Variants in DNASE2B observed in about 807,000 individuals in gnomAD.
DNASE2B encodes deoxyribonuclease 2 beta.
DNASE2B carries 43 observed loss-of-function variants against 46.0 expected under a neutral mutation model. The observed-to-expected ratio is 0.94, with a 90% CI of 0.73 to 1.21. DNASE2B has a LOEUF of 1.21. Among genes scored for constraint, DNASE2B ranks in the 50% most tolerant of loss-of-function variants. The pLI is 0.00. For synonymous variants in DNASE2B, 156 were observed against 152.5 expected, an observed-to-expected ratio of 1.02 and a Z score of -0.17; for missense variants, 395 against 414.4, an observed-to-expected ratio of 0.95 and a Z score of 0.41.
Position 84,412,473 on chromosome 1 carries a change from G to C in DNASE2B, c.672G>C (p.Arg224Ser), listed in dbSNP as rs974065432. The change falls in exon 5 of 6, where the codon AGG becomes AGC. Residue 224 changes from arginine (R) to serine (S), a missense_variant. Physicochemically the swap from Arg to Ser is moderately radical, Grantham distance 110. Transcript: ENST00000370665. The part of the protein sequence containing the change: ...TRASSSEIPG[R>S]LLTTLQSAQG... ...CCAGCTCATCAGAGATTCCTGGCAG[G>C]CTCCTCACCACACTTCAGTCGGCCC... The C allele has an allele frequency of 1.2e-6, 2 of 1,613,778 alleles. No individual in the cohort carries two copies. Among genetic ancestry groups the C allele is most frequent in the African/African-American group, 2.7e-5 (2 of 74,892 alleles).
At chr1:84,412,327 T>C (rs771688047) in intron 4 of DNASE2B, 22 bp from the exon 5 acceptor site, 17 of 1,483,632 alleles carry the variant, frequency 1.1e-5, no homozygotes, top group South Asian at 1.5e-5. Flanking sequence ...TCTCAACTTT[T>C]CTTTACTGTT....
chr1:84,413,299 A>G (rs1404387690), intron 5 of DNASE2B, among the ~76,000 whole-genome samples: 1 of 152,060 alleles, frequency 6.6e-6, no homozygotes, highest in Non-Finnish European at 1.5e-5. Flanking sequence ...TAGACACTTG[A>G]ATCTCTCCCC....
rs557864256 is a variant in DNASE2B, at chr1:84,414,848, T to C, written c.1066T>C (p.Tyr356His). 24 of 1,611,638 alleles carry C rather than the reference T, an allele frequency of 1.5e-5. No individual in the cohort carries two copies. Among genetic ancestry groups the C allele is most frequent in the South Asian group, 9.9e-5 (9 of 90,734 alleles). ...IYQAFQGLVLYYESCK is the reference protein window; with the variant it reads ...IYQAFQGLVLHYESCK ...CCAAGCATTTCAAGGATTAGTATTA[T>C]ACTATGAAAGCTGTAAGTAAACTTG... The change falls in exon 6 of 6, where the codon TAC (tyrosine) becomes CAC (histidine). Residue 356 changes from tyrosine (Y) to histidine (H), a missense_variant. Coordinates refer to ENST00000370665, the MANE Select transcript of DNASE2B (RefSeq NM_021233.3).
At chr1:84,405,100 TCTC>T (rs1570301342) in intron 2 of DNASE2B, among the ~76,000 whole-genome samples, 1 of 152,144 alleles carries the variant, frequency 6.6e-6, no homozygotes, top group Admixed American at 6.6e-5. Context: ...AAAAGCTGCT[TCTC>T]CTGTTATCTT....
intron 4 of DNASE2B, among the ~76,000 whole-genome samples, chr1:84,411,285 A>C (rs1334560551): frequency 1.3e-5 from 2 of 152,054 alleles, no homozygotes; most frequent in African/African-American, 4.8e-5. Context: ...GTTACATGGG[A>C]AGTGAGGATA....
intron 5 of DNASE2B, among the ~76,000 whole-genome samples, chr1:84,413,228 T>A (rs1188664379): frequency 1.3e-5 from 2 of 152,178 alleles, no homozygotes; most frequent in Non-Finnish European, 2.9e-5. Context: ...TTTATTTTTT[T>A]AAAACTCATC....
intron 3 of DNASE2B, 64 bp from the exon 4 acceptor site, chr1:84,410,774 T>C (rs893077649): frequency 2.0e-6 from 3 of 1,523,852 alleles, no homozygotes; most frequent in East Asian, 2.3e-5. Context: ...GTTGCCACTG[T>C]GAACCCTATT....
intron 4 of DNASE2B, 130 bp downstream of exon 4, chr1:84,411,129 G>A: frequency 8.6e-7 from 1 of 1,167,028 alleles, no homozygotes; most frequent in South Asian, 1.4e-5. Context: ...TTCTAATACT[G>A]GCTTTGCCAT....
intron 2 of DNASE2B, among the ~76,000 whole-genome samples, chr1:84,406,016 T>C (rs560550158): frequency 1.3e-5 from 2 of 152,132 alleles, no homozygotes; most frequent in African/African-American, 2.4e-5. Context: ...TCATAATGTA[T>C]CTAACTTTTT....
At position 84,398,520 on chromosome 1, in the gene DNASE2B, A is replaced by T; in HGVS notation, c.-45A>T. On this transcript the variant is annotated 5_prime_UTR_variant, in exon 1 of 6. Transcript: ENST00000370665. ...AGCCTGAGAGCGCCTTGAAACTCAG[A>T]CTCCACAATCTATGGGGAAAGTGTC... The T allele has an allele frequency of 6.2e-7, 1 of 1,607,210 alleles. No individual in the cohort carries two copies. Among genetic ancestry groups the T allele is most frequent in the Non-Finnish European group, 8.5e-7 (1 of 1,175,600 alleles).
intron 2 of DNASE2B, among the ~76,000 whole-genome samples, chr1:84,406,534 A>G (rs1444194612): frequency 2.6e-5 from 4 of 152,236 alleles, no homozygotes; most frequent in African/African-American, 9.6e-5. Context: ...GTAAGGCCTT[A>G]TGGTGATGTA....
intron 2 of DNASE2B, among the ~76,000 whole-genome samples, chr1:84,403,657 TTCTA>T (rs1338272979): frequency 1.3e-5 from 2 of 151,970 alleles, no homozygotes; most frequent in African/African-American, 2.4e-5. Context: ...ACATAATGAA[TTCTA>T]TCTATTTGCT....
At chr1:84,400,652 C>T (rs569615060) in intron 1 of DNASE2B, among the ~76,000 whole-genome samples, 4 of 152,186 alleles carry the variant, frequency 2.6e-5, no homozygotes, top group Non-Finnish European at 5.9e-5. Flanking sequence ...AAAGTACTAG[C>T]TCTCAACTGG....
At chr1:84,403,953 ATTTT>A (rs562382212) in intron 2 of DNASE2B, among the ~76,000 whole-genome samples, 1 of 108,136 alleles carries the variant, frequency 9.2e-6, no homozygotes. Flanking sequence ...TGCCTGGCTA[ATTTT>A]TTTTTTTTTT....
rs576684696 is a variant in DNASE2B, at chr1:84,400,247, A to G, written c.125+1558A>G. Among the ~76,000 whole-genome samples the G allele has an allele frequency of 5.9e-5, 9 of 152,272 alleles. No homozygotes were observed. In the East Asian group the frequency reaches 1.7e-3, roughly 29 times the overall value. ...GCCAGGCATGGTGACGCATGCCTGT[A>G]ATCCCAGCTACATGGGAGGCTGAGG... On this transcript the variant is annotated intron_variant, in intron 1 of 5. Coordinates refer to ENST00000370665, the MANE Select transcript of DNASE2B (RefSeq NM_021233.3).
intron 2 of DNASE2B, among the ~76,000 whole-genome samples, chr1:84,404,303 G>C (rs558268): frequency 0.21 from 31,563 of 151,772 alleles, 3,435 homozygotes; most frequent in African/African-American, 0.27. Context: ...AACCTTTCTT[G>C]CCATATCCAC....
Position 84,398,626 on chromosome 1 carries a change from T to A in DNASE2B, c.62T>A (p.Leu21His). Residue 21 changes from leucine to histidine, a missense_variant, in exon 1 of 6, where the codon CTC becomes CAC. Physicochemically the swap from Leu to His is moderately conservative, Grantham distance 99 (BLOSUM62 -3). Coordinates refer to ENST00000370665, the MANE Select transcript of DNASE2B (RefSeq NM_021233.3). ...RTSFALLFLGLFGVLGAATIS... is the reference protein window; with the variant it reads ...RTSFALLFLGHFGVLGAATIS... ...TCCTTTGCTTTGCTCTTCCTTGGCC[T>A]CTTTGGGGTGCTGGGGGCAGCAACA... 3 of 1,613,880 alleles carry A rather than the reference T, an allele frequency of 1.9e-6. No homozygotes were observed. Among genetic ancestry groups the A allele is most frequent in the Non-Finnish European group, 2.5e-6 (3 of 1,179,812 alleles).
intron 3 of DNASE2B, among the ~76,000 whole-genome samples, chr1:84,409,801 A>C (rs1680557752): frequency 6.6e-6 from 1 of 152,176 alleles, no homozygotes; most frequent in African/African-American, 2.4e-5. Context: ...CTCTTGGCCA[A>C]CAGATGCCCT....
intron 2 of DNASE2B, among the ~76,000 whole-genome samples, chr1:84,407,930 G>C (rs922706434): frequency 2.6e-5 from 4 of 152,022 alleles, no homozygotes; most frequent in Admixed American, 2.6e-4. Flanking sequence ...CAGATAATGA[G>C]GGATCCTGAT....
Sources: gnomAD v4.1 joint callset for allele counts (sites outside exome capture counted in the v4.1 genomes callset) on GRCh38, gnomAD v4.1.1 for gene constraint, MANE v1.5 for transcripts, NCBI Gene and HGNC (gene_info 2026-07-23, HGNC 2026-07-21) for gene names.